Variants in ITGA10 observed in about 807,000 individuals in gnomAD.
ITGA10 encodes integrin subunit alpha 10.
Under a neutral mutation model 145.2 loss-of-function variants are expected in ITGA10, and 105 were observed. The observed-to-expected ratio is 0.72, with a 90% CI of 0.62 to 0.85. The LOEUF is 0.85. Among genes scored for constraint, ITGA10 ranks in the 40% least tolerant of loss-of-function variants. ITGA10 has a pLI of 0.00. For missense variants in ITGA10, 1,317 were observed against 1,444.5 expected, an observed-to-expected ratio of 0.91 and a Z score of 1.43; for synonymous variants, 506 against 557.8, an observed-to-expected ratio of 0.91 and a Z score of 1.31.
chr1:145,906,432 G>A lies in ITGA10; in HGVS notation c.443C>T (p.Ser148Leu). ...SSGICARVDA[S>L]FQPQGSLAPT... The stretch of plus-strand genomic sequence containing the variant: ...TGCCAGGCTTCCCTGAGGCTGGAAT[G>A]AAGCATCCACACGGGCACATATCCC... The change falls in exon 5 of 30, where the codon TCA (serine) becomes TTA (leucine). Residue 148 changes from serine (S) to leucine (L), a missense_variant. Ser to Leu is a moderately radical substitution (Grantham distance 145, BLOSUM62 -2). Transcript: ENST00000369304. 1.2e-6 allele frequency: 2 copies of A among 1,614,096 alleles called. No individual in the cohort carries two copies. The highest frequency in any genetic ancestry group is 1.7e-6 in the Non-Finnish European group (2 of 1,180,026).
In ITGA10 at chr1:145,899,280, C is replaced by T. The variant is rs368387003; in HGVS notation, c.1984G>A (p.Val662Ile). 1 of 1,614,226 alleles carries T rather than the reference C, an allele frequency of 6.2e-7. No homozygotes were observed. Residue 662 changes from valine (V) to isoleucine (I), a missense_variant, in exon 16 of 30, where the codon GTT (valine) becomes ATT (isoleucine). Transcript: ENST00000369304. ...LEVTPQAISVVQRDCRRRGQE... is the reference protein window; with the variant it reads ...LEVTPQAISVIQRDCRRRGQE... Reference sequence around the variant, plus strand: ...CCTCGCCGCCTACAGTCCCTCTGAACCACACTGATGGCCTGTGGGGTCACC... The same window carrying T: ...CCTCGCCGCCTACAGTCCCTCTGAATCACACTGATGGCCTGTGGGGTCACC...
Position 145,900,869 on chromosome 1 carries a change from G to A in ITGA10, c.1712C>T (p.Ala571Val), listed in dbSNP as rs150055442. The A allele has an allele frequency of 1.0e-4, 166 of 1,614,030 alleles. No homozygotes were observed. The highest frequency in any genetic ancestry group is 4.9e-4 in the Middle Eastern group (3 of 6,062). Residue 571 changes from alanine to valine, a missense_variant, in exon 14 of 30, where the codon GCG (alanine) becomes GTG (valine). Ala to Val is a moderately conservative substitution (Grantham distance 64). Transcript: ENST00000369304. ...TCCCTGGTGCCCATCTTCCAGAGGC[G>A]CCCCCACAGCCACATCAGCAAAACC... ...QDGFADVAVG[A>V]PLEDGHQGAL...
intron 1 of ITGA10, 114 bp from the exon 2 acceptor site, chr1:145,907,579 CAT>C: frequency 6.6e-7 from 1 of 1,516,250 alleles, no homozygotes; most frequent in Non-Finnish European, 8.8e-7. Flanking sequence ...CTTTTTCACT[CAT>C]AAGCTTTTCT....
chr1:145,895,194 G>T, intron 27 of ITGA10, 86 bp downstream of exon 27: 1 of 895,996 alleles, frequency 1.1e-6, no homozygotes, highest in Non-Finnish European at 1.8e-6. Context: ...AGTGAAACTT[G>T]AACGTGGGTC....
At chr1:145,904,409 A>T (rs1656823292) in intron 6 of ITGA10, among the ~76,000 whole-genome samples, 1 of 151,594 alleles carries the variant, frequency 6.6e-6, no homozygotes, top group African/African-American at 2.4e-5. Context: ...TCACTCTTTC[A>T]CCCAGGCTGG....
At chr1:145,902,107 A>G (rs1553749015) in intron 10 of ITGA10, 86 bp from the exon 11 acceptor site, 1 of 1,590,960 alleles carries the variant, frequency 6.3e-7, no homozygotes, top group Non-Finnish European at 8.6e-7. Flanking sequence ...AAGATCACTG[A>G]GGGTCTGCTG....
Position 145,895,312 on chromosome 1 carries a change from A to G in ITGA10, c.3196T>C (p.Leu1066=), listed in dbSNP as rs144512851. The G allele has an allele frequency of 6.5e-4, 1,052 of 1,613,972 alleles. 1 individual carries two copies. Among genetic ancestry groups the G allele is most frequent in the Non-Finnish European group, 8.4e-4 (994 of 1,179,944 alleles). Residue 1066 remains leucine, a synonymous_variant, in exon 27 of 30, where the codon TTG becomes CTG. Coordinates refer to ENST00000369304, the MANE Select transcript of ITGA10 (RefSeq NM_003637.5). The part of the protein sequence containing the change: ...AKGTEVSVGL[L]RLVHNEFFRR... ...AAAAATTCATTGTGAACCAGCCTCAATAGTCCAACAGAGACCTCAGTCCCC... is the reference window on the plus strand; with the variant it reads ...AAAAATTCATTGTGAACCAGCCTCAGTAGTCCAACAGAGACCTCAGTCCCC...
At chr1:145,903,512 A>G (rs1229780123) in intron 7 of ITGA10, among the ~76,000 whole-genome samples, 1 of 152,176 alleles carries the variant, frequency 6.6e-6, no homozygotes, top group Non-Finnish European at 1.5e-5. Flanking sequence ...TACTTTGTAG[A>G]AATGCAGTGA....
rs1654811936 is a variant in ITGA10 at position 145,892,111 on chromosome 1, G to A, written c.*687C>T. ...GAAGCCTATGCCCAGCGAGCCTGGG[G>A]GCAGCTCTGTTTCACCAACACCTGA... is the stretch of plus-strand genomic sequence containing the variant. On this transcript the variant is annotated 3_prime_UTR_variant, in exon 30 of 30. Coordinates refer to ENST00000369304, the MANE Select transcript of ITGA10 (RefSeq NM_003637.5). The A allele has an allele frequency of 6.5e-6, 1 of 152,704 alleles. No homozygotes were observed. Among genetic ancestry groups the A allele is most frequent in the South Asian group, 2.1e-4 (1 of 4,836 alleles). The allele number at this position is 152,704 out of a possible 1,614,324, so 9.5% of individuals were successfully genotyped here. A position where few individuals can be genotyped will look rare whatever the true frequency, so the allele number is the denominator to read the frequency against.
At chr1:145,896,243 T>A in intron 24 of ITGA10, 25 bp downstream of exon 24, 1 of 1,587,558 alleles carries the variant, frequency 6.3e-7, no homozygotes, top group Non-Finnish European at 8.7e-7. Context: ...ATTCTCCTCA[T>A]GCCAAGACCC....
chr1:145,902,673 C>A (rs1656521040), intron 8 of ITGA10, 54 bp from the exon 9 acceptor site: 23 of 1,549,450 alleles, frequency 1.5e-5, no homozygotes, highest in Non-Finnish European at 1.9e-5. Flanking sequence ...CAGAACACAG[C>A]CAACTAACAT....
At chr1:145,908,373 A>G (rs1444819641) in intron 1 of ITGA10, among the ~76,000 whole-genome samples, 2 of 152,118 alleles carry the variant, frequency 1.3e-5, no homozygotes, top group Admixed American at 6.5e-5. Flanking sequence ...GCCCACACAC[A>G]TAGTTTGCCA....
chr1:145,893,716 T>G, intron 27 of ITGA10, 81 bp from the exon 28 acceptor site: 1 of 1,108,986 alleles, frequency 9.0e-7, no homozygotes. Context: ...AACAGCAAAG[T>G]TGAGGCTGAG....
chr1:145,905,058 A>G (rs1656934465), intron 5 of ITGA10, among the ~76,000 whole-genome samples: 1 of 152,064 alleles, frequency 6.6e-6, no homozygotes, highest in African/African-American at 2.4e-5. Context: ...ATAGGTATAT[A>G]AACACACACA....
At chr1:145,895,419 G>C in intron 26 of ITGA10, 26 bp from the exon 27 acceptor site, 1 of 1,568,192 alleles carries the variant, frequency 6.4e-7, no homozygotes, top group Non-Finnish European at 8.8e-7. Flanking sequence ...GAGAGAGACA[G>C]ATCAGGACTC....
chr1:145,893,672 G>A (rs892451802), intron 27 of ITGA10, 37 bp from the exon 28 acceptor site: 3 of 1,504,270 alleles, frequency 2.0e-6, no homozygotes, highest in African/African-American at 1.4e-5. Flanking sequence ...TTTAAAATGA[G>A]CCATTATCAG....
chr1:145,907,014 G>A (rs782663971), intron 3 of ITGA10, 27 bp downstream of exon 3: 3 of 1,462,160 alleles, frequency 2.1e-6, no homozygotes, highest in South Asian at 1.3e-5. Context: ...CAGGGGTTAG[G>A]AGGAGAAGGG....
rs1485474312 is a variant in ITGA10 at position 145,902,875 on chromosome 1, C to G, written c.845G>C (p.Gly282Ala). The G allele has an allele frequency of 6.2e-7, 1 of 1,614,046 alleles. No homozygotes were observed. The highest frequency in any genetic ancestry group is 8.5e-7 in the Non-Finnish European group (1 of 1,179,972). The change falls in exon 8 of 30, where the codon GGA (glycine) becomes GCA (alanine). Residue 282 changes from glycine to alanine, a missense_variant. Gly to Ala is a moderately conservative substitution (Grantham distance 60, BLOSUM62 0). Transcript: ENST00000369304. ...CTTTAGTGCTGCAGGAAGCTCCTCT[C>G]CATCATGGGACTCTCCATCAGTGAC... is the stretch of plus-strand genomic sequence containing the variant. ...VVVTDGESHD[G>A]EELPAALKAC... is the part of the protein sequence containing the mutation.
At position 145,897,621 on chromosome 1, in the gene ITGA10, C is replaced by T. The variant is rs145538014; in HGVS notation, c.2465G>A (p.Arg822Gln). 1,742 of 1,614,088 alleles carry T rather than the reference C, an allele frequency of 1.1e-3. 5 individuals are homozygous for T. Among genetic ancestry groups the T allele is most frequent in the Non-Finnish European group, 1.4e-3 (1,617 of 1,180,026 alleles). Residue 822 changes from arginine to glutamine, a missense_variant, in exon 20 of 30, where the codon CGG (arginine) becomes CAG (glutamine). Transcript: ENST00000369304. ...KAPFVVRGGRRKVLVSTTLEN... is the reference protein window; with the variant it reads ...KAPFVVRGGRQKVLVSTTLEN... ...CAGAGTTGTAGATACCAGCACTTTCCGCCGGCCACCTCGAACCACAAATGG... is the reference window on the plus strand; with the variant it reads ...CAGAGTTGTAGATACCAGCACTTTCTGCCGGCCACCTCGAACCACAAATGG...
Sources: allele counts gnomAD v4.1 joint callset (sites outside exome capture counted in the v4.1 genomes callset), GRCh38; gene constraint gnomAD v4.1.1; transcripts MANE v1.5; gene names NCBI Gene and HGNC (gene_info 2026-07-23, HGNC 2026-07-21).